The following LUZP2 variants were observed in gnomAD, a reference collection of about 807,000 sequenced individuals.
LUZP2 encodes leucine zipper protein 2.
Under a neutral mutation model 51.6 loss-of-function variants are expected in LUZP2, and 52 were observed. The ratio of observed to expected loss-of-function variants is 1.01; its 90% CI spans 0.81 to 1.27. LUZP2 has a LOEUF of 1.27. LUZP2 is among the 50% of genes most tolerant of loss of function. LUZP2 has a pLI of 0.00. For synonymous variants in LUZP2, 154 were observed against 137.3 expected (o/e 1.12, Z -0.85); for missense variants, 436 against 395.4 (o/e 1.10, Z -0.87).
intron 1 of LUZP2, among the ~76,000 whole-genome samples, chr11:24,582,750 T>G (rs1055499103): frequency 1.3e-5 from 2 of 152,140 alleles, no homozygotes; most frequent in African/African-American, 4.8e-5. Context: ...GTTTTGTTTT[T>G]GTTTTTGTTT....
chr11:24,765,039 A>G (rs1364956291), intron 5 of LUZP2, among the ~76,000 whole-genome samples: 1 of 152,200 alleles, frequency 6.6e-6, no homozygotes, highest in African/African-American at 2.4e-5. Flanking sequence ...TATTAAGAAC[A>G]TATGAAATGA....
chr11:24,720,752 G>A (rs1858236294), intron 1 of LUZP2, among the ~76,000 whole-genome samples: 1 of 152,182 alleles, frequency 6.6e-6, no homozygotes, highest in South Asian at 2.1e-4. Context: ...AGGCTGGAGT[G>A]CAGTGGCGCG....
At chr11:24,769,191 TCAA>T (rs1200735485) in intron 5 of LUZP2, among the ~76,000 whole-genome samples, 10 of 149,320 alleles carry the variant, frequency 6.7e-5, no homozygotes, top group Admixed American at 2.6e-4. Flanking sequence ...AAAGTTGATC[TCAA>T]AGAAGTAGAG....
chr11:24,531,153 A>G lies in LUZP2; in HGVS notation c.62+33848A>G, dbSNP rs1341944745. Among the ~76,000 whole-genome samples the G allele has an allele frequency of 7.3e-5, 11 of 150,318 alleles. No individual in the cohort carries two copies. The East Asian group carries it at 2.1e-3, about 29-fold the overall frequency. ...ACATTACCCTTGTTTCTCTGTCCTT[A>G]AAATGAAGGGCAACATTCACAATTT... On this transcript the variant is annotated intron_variant, in intron 1 of 11. Transcript: ENST00000336930.
intron 7 of LUZP2, among the ~76,000 whole-genome samples, chr11:24,928,210 A>G (rs906889505): frequency 6.6e-6 from 1 of 151,980 alleles, no homozygotes; most frequent in Admixed American, 6.6e-5. Flanking sequence ...CTCTTTACCA[A>G]TTTGGATGCC....
chr11:25,047,070 G>A (rs933927497), intron 9 of LUZP2, among the ~76,000 whole-genome samples: 1 of 152,096 alleles, frequency 6.6e-6, no homozygotes, highest in Non-Finnish European at 1.5e-5. Flanking sequence ...TGATTGTTTA[G>A]AAACAAAATA....
At chr11:24,775,371 T>C (rs1020914048) in intron 5 of LUZP2, among the ~76,000 whole-genome samples, 7 of 152,186 alleles carry the variant, frequency 4.6e-5, no homozygotes, top group Non-Finnish European at 8.8e-5. Flanking sequence ...AAAGAAAATA[T>C]TTGTGGTTCC....
At chr11:24,554,759 CTA>C (rs1295972734) in intron 1 of LUZP2, among the ~76,000 whole-genome samples, 1 of 130,096 alleles carries the variant, frequency 7.7e-6, no homozygotes, top group Non-Finnish European at 1.5e-5. Context: ...ATACAACAGA[CTA>C]TATTGAAAAT....
intron 1 of LUZP2, among the ~76,000 whole-genome samples, chr11:24,558,443 A>T (rs1377293083): frequency 2.0e-5 from 2 of 101,734 alleles, no homozygotes; most frequent in Admixed American, 1.2e-4. Flanking sequence ...ACTCTGACTC[A>T]AACAGTTTTT....
chr11:24,692,566 T>C (rs939636367), intron 1 of LUZP2, among the ~76,000 whole-genome samples: 6 of 152,146 alleles, frequency 3.9e-5, no homozygotes, highest in African/African-American at 1.4e-4. Context: ...TACCAAAAAA[T>C]TGAAATAAAT....
intron 5 of LUZP2, chr11:24,786,612 T>A (rs567281400): frequency 1.0e-5 from 2 of 196,530 alleles, no homozygotes; most frequent in East Asian, 3.8e-4. Context: ...ATAATATTAA[T>A]AAATTATAAT....
At chr11:24,890,883 G>A in intron 5 of LUZP2, 3 of 931,012 alleles carry the variant, frequency 3.2e-6, no homozygotes, top group Non-Finnish European at 3.8e-6. Context: ...TTTACAGGAG[G>A]AGTAAAAGTT....
chr11:24,724,522 G>A (rs1321196637), intron 1 of LUZP2, among the ~76,000 whole-genome samples: 1 of 152,162 alleles, frequency 6.6e-6, no homozygotes, highest in Non-Finnish European at 1.5e-5. Context: ...AGTAAGCCGA[G>A]ATCATGCCAC....
chr11:24,985,405 T>A (rs970806606), intron 9 of LUZP2, among the ~76,000 whole-genome samples: 5 of 151,706 alleles, frequency 3.3e-5, no homozygotes, highest in African/African-American at 1.2e-4. Context: ...TAGAAAATAA[T>A]ATTCTTTCGA....
At chr11:24,568,361 A>AAC (rs71483445) in intron 1 of LUZP2, among the ~76,000 whole-genome samples, 63 of 129,142 alleles carry the variant, frequency 4.9e-4, no homozygotes, top group Admixed American at 1.8e-3. Context: ...CTCAGAAAAA[A>AAC]AAAAAAAAAA....
At chr11:24,689,205 T>C (rs972205394) in intron 1 of LUZP2, among the ~76,000 whole-genome samples, 3 of 152,188 alleles carry the variant, frequency 2.0e-5, no homozygotes. Context: ...TTTTTATACA[T>C]TGGCATGGTT....
rs1859415358 is a variant in LUZP2, at chr11:25,079,700, A to T, written c.*1042A>T. The T allele has an allele frequency of 6.6e-6, 1 of 152,162 alleles. No homozygotes were observed. Among genetic ancestry groups the T allele is most frequent in the Admixed American group, 6.5e-5 (1 of 15,284 alleles). The allele number at this position is 152,162 out of a possible 1,614,324, so 9.4% of individuals were successfully genotyped here. A position where few individuals can be genotyped will look rare whatever the true frequency, so the allele number is the denominator to read the frequency against. Reference sequence around the variant, plus strand: ...AGCAAGAGGAATTGACCCTTGAATAATTATCTGATTAATAGGTTTCATAGG... The same window carrying T: ...AGCAAGAGGAATTGACCCTTGAATATTTATCTGATTAATAGGTTTCATAGG... On this transcript the variant is annotated 3_prime_UTR_variant, in exon 12 of 12. Transcript: ENST00000336930.
chr11:24,555,676 G>A (rs1851845685), intron 1 of LUZP2, among the ~76,000 whole-genome samples: 1 of 152,108 alleles, frequency 6.6e-6, no homozygotes, highest in Non-Finnish European at 1.5e-5. Context: ...ATTGTTCTAA[G>A]AAATAAATGT....
intron 1 of LUZP2, among the ~76,000 whole-genome samples, chr11:24,728,247 T>G (rs1278551919): frequency 6.6e-6 from 1 of 151,994 alleles, no homozygotes; most frequent in Non-Finnish European, 1.5e-5. Flanking sequence ...GCCAGAAACC[T>G]GGCATCATTA....
Sources: allele counts gnomAD v4.1 joint callset (sites outside exome capture counted in the v4.1 genomes callset), GRCh38; gene constraint gnomAD v4.1.1; transcripts MANE v1.5; gene names NCBI Gene and HGNC (gene_info 2026-07-23, HGNC 2026-07-21).